The following RALYL variants were observed in gnomAD, a reference collection of about 807,000 sequenced individuals.
The protein encoded by RALYL is RALY RNA binding protein like, also known as RNA-binding Raly-like protein.
RALYL carries 29 observed loss-of-function variants against 35.1 expected under a neutral mutation model. That is an observed-to-expected ratio of 0.83 (90% CI 0.61 to 1.13). The LOEUF is 1.13. Among genes scored for constraint, RALYL ranks in the 50% most tolerant of loss-of-function variants. The pLI is 0.00. For missense variants in RALYL, 359 were observed against 360.4 expected, an observed-to-expected ratio of 1.00 and a Z score of 0.03; for synonymous variants, 120 against 127.6, an observed-to-expected ratio of 0.94 and a Z score of 0.40.
chr8:84,331,445 C>T (rs1370757406), intron 1 of RALYL, among the ~76,000 whole-genome samples: 1 of 152,010 alleles, frequency 6.6e-6, no homozygotes, highest in Non-Finnish European at 1.5e-5. Flanking sequence ...TCTGATGTTA[C>T]CTTTTAAAAT....
rs150233257 is a variant in RALYL, at chr8:84,436,543, GTTTTTTTTTTTTTTT to G, written c.-23-92742_-23-92728del. On this transcript the variant is annotated intron_variant, in intron 1 of 8. Coordinates refer to ENST00000521268, the MANE Select transcript of RALYL (RefSeq NM_173848.7). ...GAGTGTCTTTTCAACAATCATGGGA[GTTTTTTTTTTTTTTT>G]TTTTTTTTTTTTTGAAGTTTTAAGC... is the stretch of plus-strand genomic sequence containing the variant. Among the ~76,000 whole-genome samples the G allele has an allele frequency of 1.8e-4, 11 of 62,406 alleles. 1 individual carries two copies. The highest frequency in any genetic ancestry group is 1.6e-4 in the Non-Finnish European group (6 of 36,442). The allele number at this position is 62,406 out of a possible 152,430, so 40.9% of individuals were successfully genotyped here.
chr8:84,763,792 G>A (rs1366229674), intron 2 of RALYL, among the ~76,000 whole-genome samples: 1 of 152,138 alleles, frequency 6.6e-6, no homozygotes, highest in African/African-American at 2.4e-5. Context: ...TAGGAATTAA[G>A]TAAATACAAA....
intron 1 of RALYL, among the ~76,000 whole-genome samples, chr8:84,393,367 C>T (rs1861125844): frequency 6.6e-6 from 1 of 152,042 alleles, no homozygotes; most frequent in South Asian, 2.1e-4. Context: ...TGACAGGTGA[C>T]CCTCTCCATG....
intron 2 of RALYL, among the ~76,000 whole-genome samples, chr8:84,710,068 C>CAAACAAAT (rs1338496701): frequency 9.9e-5 from 15 of 151,890 alleles, no homozygotes; most frequent in Non-Finnish European, 1.3e-4. Flanking sequence ...CTCAAAAAAA[C>CAAACAAAT]AAACAAATAA....
intron 1 of RALYL, among the ~76,000 whole-genome samples, chr8:84,381,604 T>C (rs1455482546): frequency 6.6e-6 from 1 of 151,944 alleles, no homozygotes; most frequent in Non-Finnish European, 1.5e-5. Context: ...AGGCCACTAT[T>C]TTTAATTTCT....
chr8:84,639,583 G>A (rs995827475), intron 2 of RALYL, among the ~76,000 whole-genome samples: 1 of 151,858 alleles, frequency 6.6e-6, no homozygotes, highest in Admixed American at 6.6e-5. Flanking sequence ...AGTCTGCTGG[G>A]GGACTTAGAA....
At chr8:84,692,211 T>C (rs1271150249) in intron 2 of RALYL, among the ~76,000 whole-genome samples, 1 of 151,982 alleles carries the variant, frequency 6.6e-6, no homozygotes, top group Non-Finnish European at 1.5e-5. Context: ...TTATATTTAG[T>C]ATTACACTAG....
At chr8:84,756,462 G>A (rs980509362) in intron 2 of RALYL, among the ~76,000 whole-genome samples, 7 of 152,042 alleles carry the variant, frequency 4.6e-5, no homozygotes, top group Non-Finnish European at 1.0e-4. Flanking sequence ...TCCTACAATT[G>A]AAAAATGTTG....
At chr8:84,496,051 A>G (rs1163150309) in intron 1 of RALYL, among the ~76,000 whole-genome samples, 1 of 152,144 alleles carries the variant, frequency 6.6e-6, no homozygotes, top group Non-Finnish European at 1.5e-5. Flanking sequence ...TATGCATTAT[A>G]CAGGTAGATA....
At chr8:84,663,406 G>C (rs1831295754) in intron 2 of RALYL, among the ~76,000 whole-genome samples, 1 of 152,136 alleles carries the variant, frequency 6.6e-6, no homozygotes, top group South Asian at 2.1e-4. Flanking sequence ...TTGCCACACT[G>C]TCTTCCACAA....
intron 2 of RALYL, among the ~76,000 whole-genome samples, chr8:84,591,771 A>G (rs1189325412): frequency 6.6e-6 from 1 of 152,170 alleles, no homozygotes; most frequent in African/African-American, 2.4e-5. Flanking sequence ...TGTGATGATG[A>G]TGGGGAAAAA....
chr8:84,617,415 A>G (rs1588539182), intron 2 of RALYL, among the ~76,000 whole-genome samples: 3 of 148,092 alleles, frequency 2.0e-5, no homozygotes, highest in East Asian at 1.9e-4. Context: ...GTGTATAAGA[A>G]TGCTTGTGAT....
intron 2 of RALYL, among the ~76,000 whole-genome samples, chr8:84,644,606 T>C (rs750067434): frequency 1.3e-5 from 2 of 152,114 alleles, no homozygotes. Context: ...GTCATGTTTC[T>C]GGCTTAAATT....
chr8:84,490,498 G>A (rs1443246779), intron 1 of RALYL, among the ~76,000 whole-genome samples: 1 of 151,924 alleles, frequency 6.6e-6, no homozygotes, highest in African/African-American at 2.4e-5. Context: ...GACACTGAAG[G>A]TTGGAACTGT....
intron 1 of RALYL, among the ~76,000 whole-genome samples, chr8:84,313,978 G>T (rs974252524): frequency 3.9e-5 from 6 of 152,102 alleles, no homozygotes; most frequent in Admixed American, 2.0e-4. Flanking sequence ...CATACTACCT[G>T]AAACTGGGTA....
chr8:84,462,305 AT>A (rs566787245), intron 1 of RALYL, among the ~76,000 whole-genome samples: 246 of 151,472 alleles, frequency 1.6e-3, no homozygotes, highest in Middle Eastern at 0.014. Context: ...ATATTGTTGC[AT>A]TTTAAAGGTT....
intron 2 of RALYL, among the ~76,000 whole-genome samples, chr8:84,592,702 C>A (rs766018723): frequency 2.1e-4 from 32 of 151,926 alleles, no homozygotes; most frequent in Non-Finnish European, 4.3e-4. Flanking sequence ...GAAATATCCA[C>A]CAATTTATGG....
intron 1 of RALYL, among the ~76,000 whole-genome samples, chr8:84,219,740 G>A (rs1821719249): frequency 6.6e-6 from 1 of 151,786 alleles, no homozygotes; most frequent in African/African-American, 2.4e-5. Context: ...AAAATTATTG[G>A]GTAATAATAA....
intron 2 of RALYL, among the ~76,000 whole-genome samples, chr8:84,744,677 C>A (rs868071492): frequency 6.6e-6 from 1 of 151,966 alleles, no homozygotes; most frequent in Non-Finnish European, 1.5e-5. Context: ...CCATTCAGAG[C>A]TTTTCAAAGG....
Sources: gnomAD v4.1 joint callset for allele counts (sites outside exome capture counted in the v4.1 genomes callset) on GRCh38, gnomAD v4.1.1 for gene constraint, MANE v1.5 for transcripts, NCBI Gene and HGNC (gene_info 2026-07-23, HGNC 2026-07-21) for gene names.